Variants in PCDH15 observed in about 807,000 individuals in gnomAD.
PCDH15 encodes protocadherin-15.
A neutral mutation model predicts 178.5 loss-of-function variants in PCDH15; 129 were observed. The observed-to-expected ratio is 0.72, with a 90% CI of 0.63 to 0.84. The LOEUF (loss-of-function observed/expected upper bound fraction) is 0.84, where lower values mean the gene tolerates loss of function less well. PCDH15 is among the 40% of genes least tolerant of loss of function. The pLI is 0.00. For synonymous variants in PCDH15, 800 were observed against 732.0 expected (o/e 1.09, Z -1.50); for missense variants, 2,230 against 2,099.9 (o/e 1.06, Z -1.21).
At chr10:54,794,620 T>C (rs1394183818) in intron 1 of PCDH15, among the ~76,000 whole-genome samples, 11 of 151,860 alleles carry the variant, frequency 7.2e-5, no homozygotes, top group Admixed American at 7.2e-4. Flanking sequence ...AAGGGCTTCA[T>C]GCACACACAT....
At chr10:54,983,628 A>T (rs1216557060) in intron 2 of PCDH15, among the ~76,000 whole-genome samples, 1 of 152,150 alleles carries the variant, frequency 6.6e-6, no homozygotes, top group African/African-American at 2.4e-5. Flanking sequence ...CCTATTGTTC[A>T]TCTCACTAAA....
At chr10:55,138,977 G>C (rs1331636812) in intron 2 of PCDH15, among the ~76,000 whole-genome samples, 1 of 151,946 alleles carries the variant, frequency 6.6e-6, no homozygotes, top group Non-Finnish European at 1.5e-5. Flanking sequence ...ATATTCCACT[G>C]TATAGGTATG....
At chr10:54,683,440 A>T (rs913102640) in intron 1 of PCDH15, among the ~76,000 whole-genome samples, 6 of 152,080 alleles carry the variant, frequency 3.9e-5, no homozygotes, top group African/African-American at 1.4e-4. Context: ...AATGATATGA[A>T]ATTTGTGCTT....
At chr10:54,037,917 A>C (rs891801689) in intron 18 of PCDH15, among the ~76,000 whole-genome samples, 1 of 151,996 alleles carries the variant, frequency 6.6e-6, no homozygotes, top group South Asian at 2.1e-4. Context: ...TACTCCTGCT[A>C]CTTTCATAAA....
At chr10:55,302,629 C>T (rs1405693835) in intron 1 of PCDH15, among the ~76,000 whole-genome samples, 1 of 152,082 alleles carries the variant, frequency 6.6e-6, no homozygotes, top group Non-Finnish European at 1.5e-5. Context: ...GGAAGTTAAC[C>T]TCCTTTACTC....
At chr10:55,581,866 G>A (rs1842622808) in intron 2 of PCDH15, among the ~76,000 whole-genome samples, 1 of 151,946 alleles carries the variant, frequency 6.6e-6, no homozygotes, top group South Asian at 2.1e-4. Context: ...AGGAGGCATG[G>A]GGAACCGATT....
chr10:55,253,065 A>G (rs1841883854), intron 1 of PCDH15, among the ~76,000 whole-genome samples: 1 of 152,150 alleles, frequency 6.6e-6, no homozygotes, highest in South Asian at 2.1e-4. Flanking sequence ...ATTGAGGGTC[A>G]TGATACCTGT....
chr10:54,494,702 G>GT (rs1222185840), intron 3 of PCDH15, among the ~76,000 whole-genome samples: 1 of 152,220 alleles, frequency 6.6e-6, no homozygotes, highest in Non-Finnish European at 1.5e-5. Context: ...TATGGTCATA[G>GT]TTTTTTTCTC....
chr10:54,480,376 G>A (rs1444002232), intron 3 of PCDH15, among the ~76,000 whole-genome samples: 3 of 151,998 alleles, frequency 2.0e-5, no homozygotes, highest in African/African-American at 4.8e-5. Flanking sequence ...CTGCCAAAGA[G>A]ATTCTCTAGC....
chr10:53,888,963 G>C (rs550249201), intron 26 of PCDH15, among the ~76,000 whole-genome samples: 5 of 150,450 alleles, frequency 3.3e-5, no homozygotes, highest in African/African-American at 1.2e-4. Flanking sequence ...GTCAAGTAGA[G>C]TGGAGAAAAA....
At chr10:54,838,822 AT>A (rs1308180202) in intron 3 of PCDH15, among the ~76,000 whole-genome samples, 1 of 152,136 alleles carries the variant, frequency 6.6e-6, no homozygotes, top group Non-Finnish European at 1.5e-5. Context: ...CTCAGCTGCA[AT>A]CTGGAAGCAG....
chr10:54,210,172 T>C (rs2891506), intron 10 of PCDH15, among the ~76,000 whole-genome samples: 136,793 of 152,172 alleles, frequency 0.9, 61,642 homozygotes, highest in East Asian at 0.98. Flanking sequence ...TTCTAGGCAT[T>C]GAATTTATGT....
intron 3 of PCDH15, among the ~76,000 whole-genome samples, chr10:54,388,820 A>C (rs1950210623): frequency 6.6e-6 from 1 of 152,336 alleles, no homozygotes; most frequent in African/African-American, 2.4e-5. Flanking sequence ...TACAGACAAC[A>C]CAAATCCATA....
chr10:54,091,671 A>T (rs191251531), intron 15 of PCDH15, among the ~76,000 whole-genome samples: 5 of 152,322 alleles, frequency 3.3e-5, no homozygotes, highest in South Asian at 2.1e-4. Flanking sequence ...TCTTTGCAAG[A>T]TTATTTAATC....
intron 2 of PCDH15, among the ~76,000 whole-genome samples, chr10:55,138,873 GT>G (rs1838273994): frequency 6.6e-6 from 1 of 151,890 alleles, no homozygotes; most frequent in Admixed American, 6.6e-5. Flanking sequence ...TACACAGTAT[GT>G]CCCTTTGTAT....
At chr10:54,035,380 T>C (rs2093392673) in intron 18 of PCDH15, among the ~76,000 whole-genome samples, 1 of 151,962 alleles carries the variant, frequency 6.6e-6, no homozygotes, top group South Asian at 2.1e-4. Context: ...TGAGGCACAT[T>C]TTGGTAATTC....
chr10:54,600,059 A>T, intron 2 of PCDH15: 2 of 1,206,164 alleles, frequency 1.7e-6, no homozygotes, highest in Non-Finnish European at 2.4e-6. Context: ...GAGGAAGAAA[A>T]GGAAATCGAG....
chr10:54,200,214 A>G (rs1399857962), intron 10 of PCDH15, among the ~76,000 whole-genome samples: 1 of 151,840 alleles, frequency 6.6e-6, no homozygotes, highest in Non-Finnish European at 1.5e-5. Flanking sequence ...ATTCTAGGAT[A>G]GAAGAAAGAA....
chr10:55,139,900 A>C (rs1838300554), intron 2 of PCDH15, among the ~76,000 whole-genome samples: 2 of 151,998 alleles, frequency 1.3e-5, no homozygotes, highest in African/African-American at 4.8e-5. Flanking sequence ...GATTCTTCAA[A>C]TCTAAGACAT....
Sources: allele counts gnomAD v4.1 joint callset (sites outside exome capture counted in the v4.1 genomes callset), GRCh38; gene constraint gnomAD v4.1.1; transcripts MANE v1.5; gene names NCBI Gene and HGNC (gene_info 2026-07-23, HGNC 2026-07-21).